UNC13B: variants seen among roughly 807,000 people sequenced by gnomAD.
The protein encoded by UNC13B is unc-13 homolog B.
A neutral mutation model predicts 211.0 loss-of-function variants in UNC13B; 144 were observed. That is an observed-to-expected ratio of 0.68 (90% CI 0.60 to 0.78). UNC13B has a LOEUF of 0.78. Ranked by LOEUF, UNC13B falls within the 30% of genes least tolerant of loss-of-function variation. The probability of loss-of-function intolerance (pLI) is 0.00; values close to 1 mark genes in which losing one functional copy is unlikely to be tolerated. For missense variants in UNC13B, 1,777 were observed against 2,002.0 expected, an observed-to-expected ratio of 0.89 and a Z score of 2.14; for synonymous variants, 709 against 725.8, an observed-to-expected ratio of 0.98 and a Z score of 0.37.
intron 1 of UNC13B, among the ~76,000 whole-genome samples, chr9:35,172,322 A>G (rs538017339): frequency 5.9e-5 from 9 of 152,166 alleles, no homozygotes; most frequent in Non-Finnish European, 1.2e-4. Context: ...CATACTGGGA[A>G]CACTGGAATT....
At chr9:35,362,341 G>T (rs1382968573) in intron 11 of UNC13B, among the ~76,000 whole-genome samples, 6 of 152,214 alleles carry the variant, frequency 3.9e-5, no homozygotes, top group Non-Finnish European at 5.9e-5. Flanking sequence ...TGGATATGTT[G>T]AATTTGAACT....
At chr9:35,224,816 A>G (rs1224021207) in intron 1 of UNC13B, among the ~76,000 whole-genome samples, 3 of 152,232 alleles carry the variant, frequency 2.0e-5, no homozygotes, top group Admixed American at 1.3e-4. Context: ...GTAATATATC[A>G]AAAAGATAAT....
rs78136656 is a variant in UNC13B, at chr9:35,254,774, C to T, written c.469-4219C>T. On this transcript the variant is annotated intron_variant, in intron 6 of 39. Transcript: ENST00000635942. ...TAATAGTTCTGATACTTTAAAGATT[C>T]CCTTAGATTTTCTGTGCGACTAGGT... Among the ~76,000 whole-genome samples the T allele has an allele frequency of 7.6e-3, 1,128 of 149,068 alleles. 31 individuals carry two copies. The East Asian group carries it at 0.093, about 12-fold the overall frequency.
intron 11 of UNC13B, among the ~76,000 whole-genome samples, chr9:35,339,289 G>A (rs1831845151): frequency 6.6e-6 from 1 of 152,190 alleles, no homozygotes; most frequent in South Asian, 2.1e-4. Context: ...AACTGAGGTG[G>A]GTGCTGTGCT....
At chr9:35,208,861 T>C (rs1823809634) in intron 1 of UNC13B, among the ~76,000 whole-genome samples, 1 of 152,192 alleles carries the variant, frequency 6.6e-6, no homozygotes, top group Non-Finnish European at 1.5e-5. Context: ...AGGAATATTT[T>C]TGTTGCTTTT....
intron 11 of UNC13B, among the ~76,000 whole-genome samples, chr9:35,326,565 T>A (rs1423877109): frequency 6.6e-6 from 1 of 152,130 alleles, no homozygotes; most frequent in African/African-American, 2.4e-5. Context: ...TTCTATTTTT[T>A]AGTTTTTTGT....
rs769305056 is a variant in UNC13B at position 35,403,216 on chromosome 9, G to T, written c.12534G>T (p.Leu4178Phe). The T allele has an allele frequency of 1.2e-6, 2 of 1,614,188 alleles. No homozygotes were observed. Among genetic ancestry groups the T allele is most frequent in the African/African-American group, 1.3e-5 (1 of 75,052 alleles). ...PVGEVSIQVD[L>F]FTHPGTGEHK... is the part of the protein sequence containing the mutation. ...GAGAAGTCTCTATTCAGGTGGACTT[G>T]TTTACACACCCTGGTACTGGGGAGC... Residue 4178 changes from leucine to phenylalanine, a missense_variant, in exon 38 of 40, where the codon TTG becomes TTT. Physicochemically the swap from Leu to Phe is conservative, Grantham distance 22 (BLOSUM62 0). Coordinates refer to ENST00000635942, the MANE Select transcript of UNC13B (RefSeq NM_001371189.2).
At chr9:35,221,998 A>AT (rs1202369420) in intron 1 of UNC13B, among the ~76,000 whole-genome samples, 2 of 152,098 alleles carry the variant, frequency 1.3e-5, no homozygotes, top group Non-Finnish European at 2.9e-5. Flanking sequence ...GAACTTTCTA[A>AT]TTTTTTCCAT....
chr9:35,379,798 A>T (rs1409739561), intron 17 of UNC13B, among the ~76,000 whole-genome samples: 2 of 152,210 alleles, frequency 1.3e-5, no homozygotes, highest in Non-Finnish European at 2.9e-5. Flanking sequence ...GAAAGATAAC[A>T]TAAGAACATA....
At chr9:35,319,877 T>G (rs1446327430) in intron 11 of UNC13B, among the ~76,000 whole-genome samples, 1 of 152,038 alleles carries the variant, frequency 6.6e-6, no homozygotes, top group Non-Finnish European at 1.5e-5. Context: ...CCTAGGCTGG[T>G]CTTGAACTCC....
At chr9:35,367,646 T>C (rs968190980) in intron 12 of UNC13B, among the ~76,000 whole-genome samples, 2 of 149,438 alleles carry the variant, frequency 1.3e-5, no homozygotes, top group African/African-American at 5.0e-5. Flanking sequence ...AAGTTACTCC[T>C]AGGCTTGATC....
intron 1 of UNC13B, among the ~76,000 whole-genome samples, chr9:35,196,211 G>C (rs993755025): frequency 9.9e-5 from 15 of 152,106 alleles, no homozygotes; most frequent in Non-Finnish European, 1.9e-4. Context: ...AATAAGAAAT[G>C]GTGGTTATTG....
At chr9:35,261,693 C>T (rs1278541135) in intron 7 of UNC13B, among the ~76,000 whole-genome samples, 2 of 152,058 alleles carry the variant, frequency 1.3e-5, no homozygotes, top group Non-Finnish European at 2.9e-5. Flanking sequence ...CCCTATTGTG[C>T]TAGCAAATAC....
chr9:35,400,033 C>T (rs1587780592), intron 36 of UNC13B, among the ~76,000 whole-genome samples: 1 of 152,152 alleles, frequency 6.6e-6, no homozygotes, highest in Admixed American at 6.5e-5. Flanking sequence ...CTTCTCCGTG[C>T]CTGAAGTGTT....
chr9:35,376,358 A>T (rs1834410650), intron 15 of UNC13B, 111 bp downstream of exon 15: 17 of 1,078,260 alleles, frequency 1.6e-5, no homozygotes, highest in Middle Eastern at 3.0e-4. Context: ...AGTCCACCTG[A>T]TTCTGAAACC....
chr9:35,277,389 G>A (rs141554565), intron 7 of UNC13B, among the ~76,000 whole-genome samples: 201 of 152,260 alleles, frequency 1.3e-3, no homozygotes, highest in African/African-American at 4.6e-3. Context: ...AGCTTTGTTG[G>A]CTATATTGTA....
At chr9:35,291,848 A>T (rs572585773) in intron 7 of UNC13B, among the ~76,000 whole-genome samples, 1 of 152,228 alleles carries the variant, frequency 6.6e-6, no homozygotes, top group Non-Finnish European at 1.5e-5. Context: ...GGAATTTCTC[A>T]TGAAGTCTGT....
intron 11 of UNC13B, among the ~76,000 whole-genome samples, chr9:35,314,490 A>C (rs951387086): frequency 1.3e-5 from 2 of 152,186 alleles, no homozygotes; most frequent in Non-Finnish European, 2.9e-5. Context: ...CAGTGTTACA[A>C]GTTTGAAGTG....
chr9:35,352,018 G>A, intron 11 of UNC13B: 1 of 1,232,268 alleles, frequency 8.1e-7, no homozygotes, highest in Non-Finnish European at 1.0e-6. Flanking sequence ...CTGAGCTGCA[G>A]CAGCACTTGA....
Sources: gnomAD v4.1 joint callset for allele counts (sites outside exome capture counted in the v4.1 genomes callset) on GRCh38, gnomAD v4.1.1 for gene constraint, MANE v1.5 for transcripts, NCBI Gene and HGNC (gene_info 2026-07-23, HGNC 2026-07-21) for gene names.